CDH13: variants seen among roughly 807,000 people sequenced by gnomAD.
The protein encoded by CDH13 is cadherin-13.
CDH13 carries 24 observed loss-of-function variants against 63.8 expected under a neutral mutation model. That is an observed-to-expected ratio of 0.38 (90% CI 0.27 to 0.53). The LOEUF is 0.53. Ranked by LOEUF, CDH13 falls within the 20% of genes least tolerant of loss-of-function variation. CDH13 has a pLI of 0.85. For synonymous variants in CDH13, 503 were observed against 355.3 expected (o/e 1.42, Z -4.67); for missense variants, 1,049 against 903.1 (o/e 1.16, Z -2.07).
At chr16:83,731,288 A>T (rs28830840) in intron 10 of CDH13, among the ~76,000 whole-genome samples, 2 of 151,990 alleles carry the variant, frequency 1.3e-5, no homozygotes, top group Non-Finnish European at 2.9e-5. Flanking sequence ...CCAACAGTGT[A>T]TAAGAGTTCC....
At chr16:83,235,112 G>A (rs1408576022) in intron 5 of CDH13, among the ~76,000 whole-genome samples, 1 of 152,182 alleles carries the variant, frequency 6.6e-6, no homozygotes, top group Non-Finnish European at 1.5e-5. Flanking sequence ...GGCTAAGGTG[G>A]GAGGATAACT....
intron 1 of CDH13, among the ~76,000 whole-genome samples, chr16:82,728,131 C>A (rs563137270): frequency 4.5e-4 from 68 of 152,240 alleles, no homozygotes; most frequent in African/African-American, 1.6e-3. Context: ...TGTAAAACAC[C>A]TGGAAGAGAG....
intron 3 of CDH13, among the ~76,000 whole-genome samples, chr16:83,101,315 G>A (rs186662789): frequency 6.7e-6 from 1 of 149,556 alleles, no homozygotes; most frequent in Non-Finnish European, 1.5e-5. Flanking sequence ...ATAGTGTATT[G>A]TATACATGTT....
chr16:82,635,383 A>G (rs769267450), intron 1 of CDH13, among the ~76,000 whole-genome samples: 14 of 152,214 alleles, frequency 9.2e-5, no homozygotes, highest in Non-Finnish European at 2.1e-4. Flanking sequence ...AAGGCATTCC[A>G]GGAAGAAGGC....
chr16:83,431,608 G>A (rs2072111726), intron 6 of CDH13, among the ~76,000 whole-genome samples: 1 of 152,102 alleles, frequency 6.6e-6, no homozygotes, highest in Non-Finnish European at 1.5e-5. Context: ...TTCTGGGGAG[G>A]CCTCAGGAAG....
At chr16:83,633,974 A>T (rs995725676) in intron 8 of CDH13, among the ~76,000 whole-genome samples, 1 of 152,192 alleles carries the variant, frequency 6.6e-6, no homozygotes, top group African/African-American at 2.4e-5. Flanking sequence ...TAGTGCCAGA[A>T]GCACCTTGAA....
chr16:83,765,230 C>T (rs7184681), intron 11 of CDH13, among the ~76,000 whole-genome samples: 255 of 152,268 alleles, frequency 1.7e-3, no homozygotes, highest in African/African-American at 5.7e-3. Flanking sequence ...GGTAGAGTCC[C>T]AGTAAATGGT....
intron 6 of CDH13, among the ~76,000 whole-genome samples, chr16:83,380,345 T>C (rs1032205452): frequency 3.3e-5 from 5 of 152,162 alleles, no homozygotes; most frequent in Non-Finnish European, 7.3e-5. Flanking sequence ...ATTCCCAAAA[T>C]ATGAAACTGA....
At chr16:83,187,580 T>C (rs9921224) in intron 4 of CDH13, among the ~76,000 whole-genome samples, 20,298 of 151,800 alleles carry the variant, frequency 0.13, 2,673 homozygotes, top group African/African-American at 0.34. Context: ...TGTTTTTTGA[T>C]GGGAGAAGCT....
intron 1 of CDH13, among the ~76,000 whole-genome samples, chr16:82,763,996 G>A (rs1228133975): frequency 6.6e-6 from 1 of 152,158 alleles, no homozygotes; most frequent in African/African-American, 2.4e-5. Flanking sequence ...AAAAGGAAAG[G>A]GGTAGAGTGA....
intron 2 of CDH13, among the ~76,000 whole-genome samples, chr16:82,945,214 T>G (rs1187215514): frequency 2.6e-5 from 4 of 152,110 alleles, no homozygotes; most frequent in African/African-American, 9.7e-5. Flanking sequence ...GGCCATGAAG[T>G]TTCTGTGGCA....
chr16:82,962,129 G>C (rs1215268058), intron 2 of CDH13, among the ~76,000 whole-genome samples: 2 of 152,218 alleles, frequency 1.3e-5, no homozygotes, highest in Admixed American at 6.5e-5. Context: ...AGGTAATTAA[G>C]TTGGGGGTCT....
At chr16:83,010,841 T>A (rs1424315174) in intron 2 of CDH13, among the ~76,000 whole-genome samples, 1 of 152,218 alleles carries the variant, frequency 6.6e-6, no homozygotes, top group East Asian at 1.9e-4. Context: ...TTACGTGCAG[T>A]TGGTTGTAGC....
chr16:83,612,563 A>G (rs189380188), intron 8 of CDH13, among the ~76,000 whole-genome samples: 2,340 of 152,038 alleles, frequency 0.015, 30 homozygotes, highest in Non-Finnish European at 0.025. Context: ...TTTGTTTTCT[A>G]TTTGTTGCTC....
intron 5 of CDH13, among the ~76,000 whole-genome samples, chr16:83,262,574 G>A (rs1294973052): frequency 6.6e-6 from 1 of 152,188 alleles, no homozygotes; most frequent in Non-Finnish European, 1.5e-5. Context: ...GGAGACCCTA[G>A]AGAATGTTCT....
chr16:83,028,819 A>G (rs1369009066), intron 2 of CDH13, among the ~76,000 whole-genome samples: 1 of 152,198 alleles, frequency 6.6e-6, no homozygotes, highest in African/African-American at 2.4e-5. Flanking sequence ...GGAATTGAAG[A>G]AAGCCAAGCC....
chr16:83,445,759 A>G (rs545152144), intron 6 of CDH13, among the ~76,000 whole-genome samples: 2 of 152,210 alleles, frequency 1.3e-5, no homozygotes, highest in Admixed American at 1.3e-4. Flanking sequence ...TCTGATAAGC[A>G]TCTAAAACTT....
intron 8 of CDH13, among the ~76,000 whole-genome samples, chr16:83,605,663 A>G (rs1908259212): frequency 6.6e-6 from 1 of 152,210 alleles, no homozygotes; most frequent in South Asian, 2.1e-4. Flanking sequence ...GACACCGCTG[A>G]TGAGGATGGT....
intron 8 of CDH13, chr16:83,654,973 C>T (rs977378862): frequency 6.6e-6 from 1 of 152,268 alleles, no homozygotes; most frequent in Non-Finnish European, 1.5e-5. Flanking sequence ...CCACCTGCTT[C>T]CTGGCACATG....
Sources: gnomAD v4.1 joint callset for allele counts (sites outside exome capture counted in the v4.1 genomes callset) on GRCh38, gnomAD v4.1.1 for gene constraint, MANE v1.5 for transcripts, NCBI Gene and HGNC (gene_info 2026-07-23, HGNC 2026-07-21) for gene names.